Variants in SLC44A3 observed in about 807,000 individuals in gnomAD.
SLC44A3 encodes the protein solute carrier family 44 member 3.
In SLC44A3, 74 loss-of-function variants were observed where a neutral mutation model predicts 75.4. That is an observed-to-expected ratio of 0.98 (90% CI 0.81 to 1.19). The LOEUF (loss-of-function observed/expected upper bound fraction) is 1.19. Among genes scored for constraint, SLC44A3 ranks in the 50% most tolerant of loss-of-function variants. The pLI is 0.00. For synonymous variants in SLC44A3, 310 were observed against 296.9 expected (o/e 1.04, Z -0.45); for missense variants, 700 against 778.6 (o/e 0.90, Z 1.20).
At chr1:94,837,650 A>G in intron 5 of SLC44A3, 61 bp from the exon 6 acceptor site, 1 of 1,478,562 alleles carries the variant, frequency 6.8e-7, no homozygotes, top group Non-Finnish European at 9.0e-7. Flanking sequence ...TGTTAAATAA[A>G]CATCTTTTAA....
At chr1:94,841,485 G>A (rs1386965865) in intron 7 of SLC44A3, among the ~76,000 whole-genome samples, 2 of 152,068 alleles carry the variant, frequency 1.3e-5, no homozygotes, top group African/African-American at 2.4e-5. Flanking sequence ...GTGGTATTTC[G>A]TACCTAAATG....
At chr1:94,888,711 C>G (rs1299703184) in intron 12 of SLC44A3, 2 of 976,454 alleles carry the variant, frequency 2.0e-6, no homozygotes, top group Admixed American at 1.3e-4. Context: ...GGTGCCCTAT[C>G]AGGGATATGG....
chr1:94,840,742 G>A (rs929565709), intron 7 of SLC44A3, among the ~76,000 whole-genome samples: 2 of 152,246 alleles, frequency 1.3e-5, no homozygotes, highest in Admixed American at 6.5e-5. Context: ...CCATTGGCAC[G>A]TGGGTGCCCA....
Position 94,857,379 on chromosome 1 carries a change from C to T in SLC44A3, c.1117C>T (p.Leu373Phe). 1 of 1,613,518 alleles carries T rather than the reference C, an allele frequency of 6.2e-7. No homozygotes were observed. The highest frequency in any genetic ancestry group is 8.5e-7 in the Non-Finnish European group (1 of 1,179,826). The part of the protein sequence containing the change: ...MEGGQVEYKP[L>F]SGIRYMWSYH... ...AGGCGGCCAAGTGGAATATAAGCCC[C>T]TTTCGGGCATTCGGTACATGTGGTC... Residue 373 changes from leucine (L) to phenylalanine (F), a missense_variant, in exon 10 of 15, where the codon CTT becomes TTT. Transcript: ENST00000271227.
intron 12 of SLC44A3, chr1:94,889,276 A>G (rs973620627): frequency 6.6e-6 from 1 of 152,180 alleles, no homozygotes; most frequent in Non-Finnish European, 1.5e-5. Flanking sequence ...GGGGTGTACA[A>G]AAGGGTTAAT....
chr1:94,827,490 T>A lies in SLC44A3; in HGVS notation c.279-17T>A, dbSNP rs1661526586. On this transcript the variant is annotated splice_polypyrimidine_tract_variant and intron_variant, in intron 3 of 14. Transcript: ENST00000271227. ...AGCAATGCTCTAACACATTCTTCTG[T>A]TTCATCTATTTCCTAGACACGTGTT... 6.2e-7 allele frequency: 1 copy of A among 1,613,924 alleles called. No homozygotes were observed. Among genetic ancestry groups the A allele is most frequent in the Admixed American group, 1.7e-5 (1 of 59,980 alleles).
At chr1:94,850,583 CAGAG>C (rs1312225019) in intron 9 of SLC44A3, among the ~76,000 whole-genome samples, 3 of 151,962 alleles carry the variant, frequency 2.0e-5, no homozygotes, top group Non-Finnish European at 4.4e-5. Flanking sequence ...CAGGGTCAGA[CAGAG>C]AGTTTTCCAT....
At position 94,821,067 on chromosome 1, in the gene SLC44A3, G is replaced by A; in HGVS notation, c.135+11G>A. 6.5e-7 allele frequency: 1 copy of A among 1,547,224 alleles called. No homozygotes were observed. Among genetic ancestry groups the A allele is most frequent in the Non-Finnish European group, 8.7e-7 (1 of 1,143,414 alleles). On this transcript the variant is annotated intron_variant, in intron 2 of 14. Coordinates refer to ENST00000271227, the MANE Select transcript of SLC44A3 (RefSeq NM_001114106.3). ...TTTTGGACTGGTTTGGTAAGTGTGGGTGCTTGGTAGGAAAGAGGCCAGAGT... is the reference window on the plus strand; with the variant it reads ...TTTTGGACTGGTTTGGTAAGTGTGGATGCTTGGTAGGAAAGAGGCCAGAGT...
chr1:94,892,171 G>GCACACA, intron 13 of SLC44A3, 110 bp from the exon 14 acceptor site: 3 of 970,808 alleles, frequency 3.1e-6, no homozygotes, highest in Non-Finnish European at 4.7e-6. Flanking sequence ...TTACAATAGT[G>GCACACA]CACACACACG....
intron 12 of SLC44A3, among the ~76,000 whole-genome samples, chr1:94,890,089 A>T (rs1396861564): frequency 6.6e-6 from 1 of 152,130 alleles, no homozygotes; most frequent in Admixed American, 6.5e-5. Context: ...ACCTCAGGTG[A>T]TCCTCCCGCC....
intron 8 of SLC44A3, among the ~76,000 whole-genome samples, chr1:94,842,537 C>A (rs1455789495): frequency 1.3e-5 from 2 of 152,248 alleles, no homozygotes; most frequent in Non-Finnish European, 2.9e-5. Flanking sequence ...AACCCGCTGG[C>A]CACTGGGTTA....
At chr1:94,841,241 C>T (rs1328151267) in intron 7 of SLC44A3, among the ~76,000 whole-genome samples, 1 of 152,190 alleles carries the variant, frequency 6.6e-6, no homozygotes. Flanking sequence ...TCATGAACCA[C>T]CATCATATAT....
At chr1:94,858,299 G>A (rs1415792221) in intron 10 of SLC44A3, among the ~76,000 whole-genome samples, 1 of 152,170 alleles carries the variant, frequency 6.6e-6, no homozygotes, top group East Asian at 1.9e-4. Flanking sequence ...TAAAGGAATT[G>A]TATGTAATTA....
At chr1:94,842,661 C>T (rs1557827056) in intron 8 of SLC44A3, among the ~76,000 whole-genome samples, 1 of 152,212 alleles carries the variant, frequency 6.6e-6, no homozygotes, top group Non-Finnish European at 1.5e-5. Flanking sequence ...GGTTGGCAAC[C>T]AAATGTCATT....
chr1:94,880,477 C>T lies in SLC44A3; in HGVS notation c.1483-10653C>T, dbSNP rs535808469. Among the ~76,000 whole-genome samples the T allele has an allele frequency of 7.6e-4, 116 of 152,298 alleles. No homozygotes were observed. In the Middle Eastern group the frequency reaches 0.024, roughly 31 times the overall value. ...TACTGTATGATTCCATTCAGTATTT[C>T]CAATCATCCATATAGTATGATTTCT... On this transcript the variant is annotated intron_variant, in intron 12 of 14. Transcript: ENST00000271227.
intron 9 of SLC44A3, 58 bp from the exon 10 acceptor site, chr1:94,857,277 C>A: frequency 6.9e-7 from 1 of 1,458,346 alleles, no homozygotes; most frequent in South Asian, 1.5e-5. Flanking sequence ...GCTTGTTGAA[C>A]CATGGTTCAT....
chr1:94,867,285 C>T, intron 11 of SLC44A3, 46 bp from the exon 12 acceptor site: 2 of 1,476,478 alleles, frequency 1.4e-6, no homozygotes, highest in Non-Finnish European at 1.8e-6. Context: ...TTTCTTCTTT[C>T]CTGTGTTGTT....
intron 12 of SLC44A3, among the ~76,000 whole-genome samples, chr1:94,885,632 C>T (rs1571459528): frequency 1.3e-5 from 2 of 152,270 alleles, no homozygotes; most frequent in East Asian, 1.9e-4. Context: ...TGGGCCTGAA[C>T]GAGTTAGAGG....
chr1:94,836,213 T>C (rs1053130343), intron 5 of SLC44A3, among the ~76,000 whole-genome samples: 1 of 152,208 alleles, frequency 6.6e-6, no homozygotes. Flanking sequence ...AATTTGACAC[T>C]TCTTTGGTTG....
Sources: allele counts gnomAD v4.1 joint callset (sites outside exome capture counted in the v4.1 genomes callset), GRCh38; gene constraint gnomAD v4.1.1; transcripts MANE v1.5; gene names NCBI Gene and HGNC (gene_info 2026-07-23, HGNC 2026-07-21).